Variants in GRK4 observed in about 807,000 individuals in gnomAD.
GRK4 encodes G protein-coupled receptor kinase 2-like.
In GRK4, 73 loss-of-function variants were observed where a neutral mutation model predicts 77.9. The observed-to-expected ratio is 0.94, with a 90% CI of 0.78 to 1.14. The LOEUF (loss-of-function observed/expected upper bound fraction) is 1.14. Ranked by LOEUF, GRK4 falls within the 50% of genes most tolerant of loss-of-function variation. GRK4 has a pLI of 0.00. For missense variants in GRK4, 729 were observed against 700.2 expected (o/e 1.04, Z -0.46); for synonymous variants, 257 against 254.4 (o/e 1.01, Z -0.10).
intron 8 of GRK4, 40 bp from the exon 9 acceptor site, chr4:3,019,601 G>C (rs750046644): frequency 2.0e-6 from 3 of 1,499,138 alleles, no homozygotes; most frequent in South Asian, 2.4e-5. Context: ...CAATGAAAGA[G>C]CAAGTTCGTG....
Position 3,027,936 on chromosome 4 carries a change from G to T in GRK4, c.995G>T (p.Gly332Val), listed in dbSNP as rs2110038686. Residue 332 changes from glycine (G) to valine (V), a missense_variant, in exon 11 of 16, where the codon GGT (glycine) becomes GTT (valine). Physicochemically the swap from Gly to Val is moderately radical, Grantham distance 109. Coordinates refer to ENST00000398052, the MANE Select transcript of GRK4 (RefSeq NM_182982.3). ...GGACACATCCGGATTTCAGACCTCG[G>T]TTTGGCCACAGAGATCCCAGAAGGA... ...DRGHIRISDL[G>V]LATEIPEGQR... 6.2e-7 allele frequency: 1 copy of T among 1,614,116 alleles called. No individual in the cohort carries two copies.
chr4:2,966,564 A>C (rs997547625), intron 1 of GRK4: 4 of 152,190 alleles, frequency 2.6e-5, no homozygotes, highest in Non-Finnish European at 2.9e-5. Flanking sequence ...TAATGGTTAG[A>C]GAAGTTGAAT....
At chr4:3,009,421 CAAAA>C (rs33988983) in intron 6 of GRK4, among the ~76,000 whole-genome samples, 5 of 86,700 alleles carry the variant, frequency 5.8e-5, no homozygotes, top group African/African-American at 4.1e-5. Flanking sequence ...GACTCCATCT[CAAAA>C]AAAAAAAAAA....
intron 12 of GRK4, among the ~76,000 whole-genome samples, chr4:3,035,056 GACCACGGTGAAACC>G (rs2110080640): frequency 6.6e-6 from 1 of 151,990 alleles, no homozygotes; most frequent in South Asian, 2.1e-4. Context: ...AGGAGATGGA[GACCACGGTGAAACC>G]CCGTCTCCAC....
At chr4:3,038,974 G>A in intron 15 of GRK4, 1 of 154,564 alleles carries the variant, frequency 6.5e-6, no homozygotes, top group South Asian at 2.0e-4. Context: ...CCAGCACTTT[G>A]GGAGGCCGAG....
intron 4 of GRK4, among the ~76,000 whole-genome samples, chr4:3,001,593 C>T (rs1319967089): frequency 6.6e-6 from 1 of 152,006 alleles, no homozygotes; most frequent in Non-Finnish European, 1.5e-5. Flanking sequence ...TCTCGAACTC[C>T]TGACCTCAGG....
At chr4:3,017,796 C>T (rs1734960644) in intron 8 of GRK4, among the ~76,000 whole-genome samples, 1 of 152,192 alleles carries the variant, frequency 6.6e-6, no homozygotes, top group African/African-American at 2.4e-5. Context: ...AGCTAATGCC[C>T]AGTCATGCTT....
intron 4 of GRK4, among the ~76,000 whole-genome samples, chr4:2,994,491 G>A (rs917689780): frequency 2.6e-5 from 4 of 152,178 alleles, no homozygotes; most frequent in Admixed American, 1.3e-4. Context: ...GATTACAGGC[G>A]TGAACCACTA....
In GRK4 at chr4:3,007,812, T is replaced by C. The variant is rs764367973; in HGVS notation, c.520T>C (p.Trp174Arg). ...CTCATATTTTTCTCAGTTTTTACAA[T>C]GGAAATGGCTGGAAAGGTATGTACT... ...ESSYFSQFLQWKWLERQPVTK... is the reference protein window; with the variant it reads ...ESSYFSQFLQRKWLERQPVTK... The change falls in exon 6 of 16, where the codon TGG becomes CGG. Residue 174 changes from tryptophan to arginine, a missense_variant. Trp to Arg is a moderately radical substitution (Grantham distance 101). Transcript: ENST00000398052. The C allele has an allele frequency of 5.0e-6, 8 of 1,609,572 alleles. No individual in the cohort carries two copies. In the Admixed American group the frequency reaches 5.0e-5, roughly 10 times the overall value.
At chr4:2,993,160 C>G (rs1434249091) in intron 4 of GRK4, among the ~76,000 whole-genome samples, 1 of 152,158 alleles carries the variant, frequency 6.6e-6, no homozygotes, top group African/African-American at 2.4e-5. Context: ...ATTTGTCTCT[C>G]TTGGACTAAA....
At position 3,010,691 on chromosome 4, in the gene GRK4, C is replaced by G. The variant is rs942314144; in HGVS notation, c.600+980C>G. Reference sequence around the variant, plus strand: ...TCAAGAACTTTTAAGTCCCTAAGAGCCAGGCAAGCCATTGGCAAACTAATA... The same window carrying G: ...TCAAGAACTTTTAAGTCCCTAAGAGGCAGGCAAGCCATTGGCAAACTAATA... On this transcript the variant is annotated intron_variant, in intron 7 of 15. Transcript: ENST00000398052. 4.6e-5 allele frequency among the ~76,000 whole-genome samples: 7 copies of G among 152,134 alleles called. No individual in the cohort carries two copies. The South Asian group carries it at 8.3e-4, about 18-fold the overall frequency.
chr4:3,036,441 C>T (rs1448313233), intron 13 of GRK4, among the ~76,000 whole-genome samples: 1 of 152,264 alleles, frequency 6.6e-6, no homozygotes, highest in African/African-American at 2.4e-5. Context: ...GCCTTTGGAG[C>T]CACTGCTTTG....
At chr4:2,976,441 C>T (rs1002304418) in intron 1 of GRK4, among the ~76,000 whole-genome samples, 11 of 151,408 alleles carry the variant, frequency 7.3e-5, no homozygotes, top group East Asian at 3.9e-4. Context: ...GCCCAGGCTG[C>T]ATTCTGTTTT....
intron 8 of GRK4, among the ~76,000 whole-genome samples, chr4:3,014,296 CT>C (rs60684225): frequency 2.4e-3 from 284 of 118,964 alleles, no homozygotes; most frequent in East Asian, 2.9e-3. Flanking sequence ...CTCTCTCTCT[CT>C]TTTTTTTTTT....
At chr4:3,021,328 C>T (rs1472657315) in intron 9 of GRK4, among the ~76,000 whole-genome samples, 1 of 152,218 alleles carries the variant, frequency 6.6e-6, no homozygotes, top group Admixed American at 6.5e-5. Context: ...TTGGCCCACA[C>T]AGCACGAGGG....
At chr4:3,026,358 C>A (rs1389881597) in intron 10 of GRK4, among the ~76,000 whole-genome samples, 1 of 152,006 alleles carries the variant, frequency 6.6e-6, no homozygotes, top group African/African-American at 2.4e-5. Context: ...GTTTAAAAAT[C>A]CATTTTTATA....
chr4:2,971,572 C>G (rs1454017047), intron 1 of GRK4, among the ~76,000 whole-genome samples: 1 of 152,170 alleles, frequency 6.6e-6, no homozygotes, highest in Non-Finnish European at 1.5e-5. Context: ...AGAAACTTGG[C>G]AGGAATAGCA....
chr4:2,973,490 C>A (rs552026846), intron 1 of GRK4, among the ~76,000 whole-genome samples: 1 of 152,132 alleles, frequency 6.6e-6, no homozygotes, highest in African/African-American at 2.4e-5. Flanking sequence ...CTCATTGGTA[C>A]GAGAAAGAGC....
chr4:3,010,942 C>G (rs1281359282), intron 7 of GRK4, among the ~76,000 whole-genome samples: 1 of 152,150 alleles, frequency 6.6e-6, no homozygotes, highest in Non-Finnish European at 1.5e-5. Flanking sequence ...ACAGTACTGT[C>G]CCTCTGGTAC....
Sources: gnomAD v4.1 joint callset for allele counts (sites outside exome capture counted in the v4.1 genomes callset) on GRCh38, gnomAD v4.1.1 for gene constraint, MANE v1.5 for transcripts, NCBI Gene and HGNC (gene_info 2026-07-23, HGNC 2026-07-21) for gene names.